The following TATDN1 variants were observed in gnomAD, a reference collection of about 807,000 sequenced individuals.
TATDN1 encodes the protein deoxyribonuclease TATDN1.
Under a neutral mutation model 46.4 loss-of-function variants are expected in TATDN1, and 40 were observed. The observed-to-expected ratio is 0.86, with a 90% CI of 0.67 to 1.12. The LOEUF (loss-of-function observed/expected upper bound fraction) is 1.12. Ranked by LOEUF, TATDN1 falls within the 50% of genes most tolerant of loss-of-function variation. The probability of loss-of-function intolerance (pLI) is 0.00; values close to 1 mark genes in which losing one functional copy is unlikely to be tolerated. For missense variants in TATDN1, 326 were observed against 348.4 expected, an observed-to-expected ratio of 0.94 and a Z score of 0.51; for synonymous variants, 95 against 105.6, an observed-to-expected ratio of 0.90 and a Z score of 0.62.
chr8:124,506,662 G>A (rs1009639113), intron 8 of TATDN1, among the ~76,000 whole-genome samples: 3 of 152,186 alleles, frequency 2.0e-5, no homozygotes, highest in Admixed American at 6.5e-5. Flanking sequence ...AACTGTCAAC[G>A]TCAGGCCGCA....
At position 124,515,901 on chromosome 8, in the gene TATDN1, C is replaced by A; in HGVS notation, c.332G>T (p.Gly111Val). Residue 111 changes from glycine (G) to valine (V), a missense_variant, in exon 5 of 12, where the codon GGA becomes GTA. Transcript: ENST00000276692. ...CTGGCACTCACCAAGTCCGCATTCT[C>A]CTATTGCCACAACTTTCCCTTTATT... is the stretch of plus-strand genomic sequence containing the variant. Reference protein sequence around the residue: ...ENNKGKVVAIGECGLDFDRLQ... With the variant: ...ENNKGKVVAIVECGLDFDRLQ... 6.2e-7 allele frequency: 1 copy of A among 1,614,084 alleles called. No homozygotes were observed. Among genetic ancestry groups the A allele is most frequent in the Admixed American group, 1.7e-5 (1 of 60,022 alleles).
intron 9 of TATDN1, among the ~76,000 whole-genome samples, chr8:124,498,039 C>CA (rs1817634126): frequency 6.6e-6 from 1 of 152,126 alleles, no homozygotes; most frequent in Admixed American, 6.5e-5. Flanking sequence ...TGTAACATCT[C>CA]AAATCCCACT....
At chr8:124,505,696 A>G (rs1818350098) in intron 8 of TATDN1, among the ~76,000 whole-genome samples, 3 of 152,024 alleles carry the variant, frequency 2.0e-5, no homozygotes, top group Non-Finnish European at 4.4e-5. Flanking sequence ...ACATATAACA[A>G]CAGCCCTCCT....
At chr8:124,505,934 A>G (rs1586596655) in intron 8 of TATDN1, among the ~76,000 whole-genome samples, 1 of 148,192 alleles carries the variant, frequency 6.7e-6, no homozygotes, top group East Asian at 2.1e-4. Context: ...AAAACTAGTT[A>G]TTAATTATTT....
At chr8:124,490,456 G>A (rs1816878942) in intron 11 of TATDN1, among the ~76,000 whole-genome samples, 1 of 152,078 alleles carries the variant, frequency 6.6e-6, no homozygotes, top group Non-Finnish European at 1.5e-5. Flanking sequence ...GTTGCAGTGA[G>A]CTGAGATTGT....
At position 124,515,938 on chromosome 8, in the gene TATDN1, G is replaced by A; in HGVS notation, c.295C>T (p.Leu99Phe). 1 of 1,613,992 alleles carries A rather than the reference G, an allele frequency of 6.2e-7. No individual in the cohort carries two copies. Among genetic ancestry groups the A allele is most frequent in the Non-Finnish European group, 8.5e-7 (1 of 1,179,998 alleles). ...PDLYLKELLN[L>F]AENNKGKVVA... Reference sequence around the variant, plus strand: ...ACTTTCCCTTTATTGTTTTCAGCAAGATTTAGCAACTCCTTTAAGTAAAGA... The same window carrying A: ...ACTTTCCCTTTATTGTTTTCAGCAAAATTTAGCAACTCCTTTAAGTAAAGA... Residue 99 changes from leucine (L) to phenylalanine (F), a missense_variant, in exon 5 of 12, where the codon CTT becomes TTT. Leu to Phe is a conservative substitution (Grantham distance 22). Coordinates refer to ENST00000276692, the MANE Select transcript of TATDN1 (RefSeq NM_032026.4).
At position 124,508,695 on chromosome 8, in the gene TATDN1, A is replaced by G. The variant is rs1211263783; in HGVS notation, c.390-7T>C. 36 of 1,495,368 alleles carry G rather than the reference A, an allele frequency of 2.4e-5. No homozygotes were observed. The highest frequency in any genetic ancestry group is 3.2e-5 in the Non-Finnish European group (36 of 1,114,538). 92.6% of individuals were successfully genotyped at this position (1,495,368 alleles called of 1,614,324 possible). On this transcript the variant is annotated splice_polypyrimidine_tract_variant and splice_region_variant and intron_variant, in intron 6 of 11. Coordinates refer to ENST00000276692, the MANE Select transcript of TATDN1 (RefSeq NM_032026.4). ...AAACTGTTTTTCAAAATATCTGCAT[A>G]ATGCAAAAAAAAAAAATTCTCATTA...
In TATDN1 at chr8:124,515,751, T is replaced by G; in HGVS notation, c.384A>C (p.Gln128His). Residue 128 changes from glutamine to histidine, a missense_variant, in exon 6 of 12, where the codon CAA (glutamine) becomes CAC (histidine). Coordinates refer to ENST00000276692, the MANE Select transcript of TATDN1 (RefSeq NM_032026.4). ...DRLQFCPKDT[Q>H]LKYFEKQFEL... Reference sequence around the variant, plus strand: ...AAGCCAACAAATTTCCTTACTTGAGTTGAGTATCTTTGGGACAAAACTGCA... The same window carrying G: ...AAGCCAACAAATTTCCTTACTTGAGGTGAGTATCTTTGGGACAAAACTGCA... 2 of 1,613,284 alleles carry G rather than the reference T, an allele frequency of 1.2e-6. No individual in the cohort carries two copies. Among genetic ancestry groups the G allele is most frequent in the Non-Finnish European group, 1.7e-6 (2 of 1,179,638 alleles).
intron 6 of TATDN1, 31 bp downstream of exon 6, chr8:124,515,715 A>G: frequency 6.3e-7 from 1 of 1,599,164 alleles, no homozygotes; most frequent in South Asian, 1.1e-5. Context: ...ATGATTTTAC[A>G]ATAATTTGTA....
chr8:124,529,017 T>C (rs1320046332), intron 1 of TATDN1, among the ~76,000 whole-genome samples: 7 of 152,232 alleles, frequency 4.6e-5, no homozygotes, highest in African/African-American at 1.2e-4. Context: ...CAAACCTAGA[T>C]AACGGACACC....
intron 9 of TATDN1, among the ~76,000 whole-genome samples, chr8:124,497,809 CTTAT>C (rs1563647755): frequency 2.0e-5 from 3 of 152,162 alleles, no homozygotes. Flanking sequence ...CAGCCCTTTA[CTTAT>C]TAGAGTACTT....
chr8:124,518,291 G>C (rs1301333937), intron 4 of TATDN1, among the ~76,000 whole-genome samples: 1 of 147,850 alleles, frequency 6.8e-6, no homozygotes, highest in Non-Finnish European at 1.5e-5. Context: ...TTGGGAGGCT[G>C]AGGCGGGTGG....
chr8:124,515,663 AACTATACTCTC>A, intron 6 of TATDN1, 72 bp downstream of exon 6: 1 of 1,365,416 alleles, frequency 7.3e-7, no homozygotes, highest in Non-Finnish European at 1.0e-6. Context: ...TGCTTAATCC[AACTATACTCTC>A]ACCTGATACA....
intron 1 of TATDN1, among the ~76,000 whole-genome samples, chr8:124,533,839 C>A (rs1432991351): frequency 2.6e-5 from 4 of 151,882 alleles, no homozygotes; most frequent in Admixed American, 6.6e-5. Flanking sequence ...TTTGGTAAGT[C>A]AGTGACATTA....
intron 1 of TATDN1, among the ~76,000 whole-genome samples, chr8:124,531,673 T>C (rs757485130): frequency 6.6e-6 from 1 of 152,134 alleles, no homozygotes; most frequent in South Asian, 2.1e-4. Context: ...TGGTGGTAAC[T>C]AAATGAAATC....
In TATDN1 at chr8:124,539,053, G is replaced by A. The variant is rs559816436; in HGVS notation, c.-7C>T. On this transcript the variant is annotated 5_prime_UTR_variant, in exon 1 of 12. Coordinates refer to ENST00000276692, the MANE Select transcript of TATDN1 (RefSeq NM_032026.4). ...TAAACTTGAAGCGACTCATGACTGC[G>A]CATGGAGGACCTCCCCAGCGGAAGC... The A allele has an allele frequency of 6.8e-6, 11 of 1,613,188 alleles. No individual in the cohort carries two copies. The East Asian group carries it at 1.3e-4, about 20-fold the overall frequency.
rs199778327 is a variant in TATDN1, at chr8:124,508,500, T to C, written c.490A>G (p.Asn164Asp). 19 of 1,613,286 alleles carry C rather than the reference T, an allele frequency of 1.2e-5. No homozygotes were observed. The highest frequency in any genetic ancestry group is 1.6e-5 in the Non-Finnish European group (19 of 1,179,418). Residue 164 changes from asparagine (N) to aspartate (D), a missense_variant, in exon 8 of 12, where the codon AAT becomes GAT. By Grantham distance (23) the Asn-to-Asp change is conservative (BLOSUM62 1). Coordinates refer to ENST00000276692, the MANE Select transcript of TATDN1 (RefSeq NM_032026.4). ...HAEFLDIMKR[N>D]RDRCVGGVVH... is the part of the protein sequence containing the mutation. ...ACTCCCCCTACACACCGATCTCTAT[T>C]TCTTTTCATTATGTCTGTGAATTAA...
intron 1 of TATDN1, among the ~76,000 whole-genome samples, chr8:124,536,156 T>C (rs1332686792): frequency 6.6e-6 from 1 of 152,210 alleles, no homozygotes; most frequent in Non-Finnish European, 1.5e-5. Flanking sequence ...TGGCATATAA[T>C]AGTTACAGGT....
chr8:124,510,030 CAA>C (rs60271665), intron 6 of TATDN1, among the ~76,000 whole-genome samples: 10 of 110,192 alleles, frequency 9.1e-5, no homozygotes, highest in Admixed American at 9.4e-5. Context: ...CATTCTGTCT[CAA>C]AAAAAAAAAA....
Sources: gnomAD v4.1 joint callset for allele counts (sites outside exome capture counted in the v4.1 genomes callset) on GRCh38, gnomAD v4.1.1 for gene constraint, MANE v1.5 for transcripts, NCBI Gene and HGNC (gene_info 2026-07-23, HGNC 2026-07-21) for gene names.